Variants in HPSE2 observed in about 807,000 individuals in gnomAD.
HPSE2 encodes inactive heparanase-2.
In HPSE2, 38 loss-of-function variants were observed where a neutral mutation model predicts 60.5. The observed-to-expected ratio is 0.63, with a 90% CI of 0.48 to 0.82. The LOEUF (loss-of-function observed/expected upper bound fraction) is 0.82. Ranked by LOEUF, HPSE2 falls within the 40% of genes least tolerant of loss-of-function variation. The pLI is 0.00. For missense variants in HPSE2, 713 were observed against 740.4 expected (o/e 0.96, Z 0.43); for synonymous variants, 295 against 293.2 (o/e 1.01, Z -0.06).
At chr10:99,156,339 C>T (rs1405777791) in intron 2 of HPSE2, among the ~76,000 whole-genome samples, 3 of 141,892 alleles carry the variant, frequency 2.1e-5, no homozygotes, top group African/African-American at 7.5e-5. Flanking sequence ...AACATTGACG[C>T]AAAAATCCTC....
intron 3 of HPSE2, among the ~76,000 whole-genome samples, chr10:99,052,003 G>T (rs2135501809): frequency 6.6e-6 from 1 of 150,876 alleles, no homozygotes. Flanking sequence ...ATTCTCCAGG[G>T]TATATCAAAT....
intron 9 of HPSE2, among the ~76,000 whole-genome samples, chr10:98,552,596 T>C (rs1055426499): frequency 4.6e-5 from 7 of 152,306 alleles, no homozygotes; most frequent in Middle Eastern, 3.4e-3. Context: ...GCTTTTTGTC[T>C]TATTTCAACC....
At chr10:98,744,838 T>C (rs1169862675) in intron 3 of HPSE2, among the ~76,000 whole-genome samples, 1 of 152,190 alleles carries the variant, frequency 6.6e-6, no homozygotes, top group Non-Finnish European at 1.5e-5. Flanking sequence ...CCTAGTATGA[T>C]TTCCAAAAAT....
At chr10:99,069,601 G>A (rs1049028230) in intron 3 of HPSE2, among the ~76,000 whole-genome samples, 2 of 149,488 alleles carry the variant, frequency 1.3e-5, no homozygotes, top group African/African-American at 4.9e-5. Context: ...TTTGTTACAC[G>A]CTCACTACAG....
chr10:99,265,206 C>G, the HPSE2 span, among the ~76,000 whole-genome samples: 1 of 152,200 alleles, frequency 6.6e-6, no homozygotes, highest in African/African-American at 2.4e-5. Flanking sequence ...AATATTCTCC[C>G]CTGCCCTTAA....
chr10:98,489,021 C>A (rs935455326), intron 10 of HPSE2, among the ~76,000 whole-genome samples: 35 of 152,174 alleles, frequency 2.3e-4, no homozygotes, highest in Non-Finnish European at 8.8e-5. Flanking sequence ...TGTAACCTGA[C>A]CACTCCAAGC....
chr10:98,798,734 T>C (rs1950838091), intron 3 of HPSE2, among the ~76,000 whole-genome samples: 1 of 151,902 alleles, frequency 6.6e-6, no homozygotes, highest in Non-Finnish European at 1.5e-5. Flanking sequence ...TTAGAACAAA[T>C]ACACAAAAAT....
At chr10:98,767,242 A>G (rs1056880600) in intron 3 of HPSE2, among the ~76,000 whole-genome samples, 2 of 152,144 alleles carry the variant, frequency 1.3e-5, no homozygotes, top group Non-Finnish European at 2.9e-5. Flanking sequence ...GGCTATTTGC[A>G]ATAAGAATAA....
chr10:98,797,987 CA>C (rs1202382494), intron 3 of HPSE2, among the ~76,000 whole-genome samples: 4 of 152,200 alleles, frequency 2.6e-5, no homozygotes, highest in East Asian at 1.9e-4. Context: ...GAACACCAAG[CA>C]GGTTTATCTC....
chr10:99,232,250 CACACACGAACACACAG>C (rs1849676838), intron 2 of HPSE2, 82 bp downstream of exon 2: 9 of 1,366,796 alleles, frequency 6.6e-6, no homozygotes, highest in South Asian at 3.8e-5. Flanking sequence ...CACACACACA[CACACACGAACACACAG>C]ACACACGAAC....
chr10:98,701,614 C>T (rs1411186671), intron 5 of HPSE2, among the ~76,000 whole-genome samples: 6 of 148,304 alleles, frequency 4.0e-5, no homozygotes, highest in South Asian at 2.3e-4. Context: ...ACATTGTGCA[C>T]ATGTACCCTA....
chr10:99,177,684 C>G (rs545645910), intron 2 of HPSE2, among the ~76,000 whole-genome samples: 1 of 152,204 alleles, frequency 6.6e-6, no homozygotes, highest in East Asian at 1.9e-4. Context: ...GAGACTTTAA[C>G]ACCCCACTGT....
At chr10:98,901,785 T>C (rs1429557322) in intron 3 of HPSE2, among the ~76,000 whole-genome samples, 3 of 152,210 alleles carry the variant, frequency 2.0e-5, no homozygotes, top group East Asian at 1.9e-4. Context: ...AGCAAGCTAC[T>C]TAACCTTTGT....
chr10:99,021,609 G>A (rs1368353441), intron 3 of HPSE2, among the ~76,000 whole-genome samples: 1 of 151,982 alleles, frequency 6.6e-6, no homozygotes, highest in African/African-American at 2.4e-5. Flanking sequence ...AAAAAGAGAA[G>A]ACAAAGTAAG....
At chr10:98,740,191 T>C (rs1949462482) in intron 4 of HPSE2, among the ~76,000 whole-genome samples, 1 of 151,700 alleles carries the variant, frequency 6.6e-6, no homozygotes, top group Non-Finnish European at 1.5e-5. Flanking sequence ...TTTTTTTTTT[T>C]TTGAGACAGG....
chr10:98,481,867 A>G (rs1941250169), intron 11 of HPSE2, among the ~76,000 whole-genome samples: 1 of 152,114 alleles, frequency 6.6e-6, no homozygotes, highest in South Asian at 2.1e-4. Flanking sequence ...GAGAGGCCTC[A>G]CTCGGGGAGC....
intron 7 of HPSE2, among the ~76,000 whole-genome samples, chr10:98,632,224 C>T (rs1166466350): frequency 6.6e-6 from 1 of 151,992 alleles, no homozygotes; most frequent in Non-Finnish European, 1.5e-5. Context: ...ATATATTGCA[C>T]TCAATAAATG....
At chr10:99,196,531 T>C (rs939487549) in intron 2 of HPSE2, among the ~76,000 whole-genome samples, 3 of 151,888 alleles carry the variant, frequency 2.0e-5, no homozygotes, top group African/African-American at 4.8e-5. Context: ...TTTAATAATC[T>C]GATCAAAAAA....
intron 3 of HPSE2, among the ~76,000 whole-genome samples, chr10:98,957,184 G>A (rs1266623621): frequency 1.3e-5 from 2 of 152,166 alleles, no homozygotes; most frequent in Non-Finnish European, 2.9e-5. Flanking sequence ...GAAAGTCTGA[G>A]GTATGACCAG....
Sources: gnomAD v4.1 joint callset for allele counts (sites outside exome capture counted in the v4.1 genomes callset) on GRCh38, gnomAD v4.1.1 for gene constraint, MANE v1.5 for transcripts, NCBI Gene and HGNC (gene_info 2026-07-23, HGNC 2026-07-21) for gene names.